The following TP63 variants were observed in gnomAD, a reference collection of about 807,000 sequenced individuals.
The protein encoded by TP63 is tumor protein 63.
A neutral mutation model predicts 82.8 loss-of-function variants in TP63; 17 were observed. That is an observed-to-expected ratio of 0.21 (90% confidence interval 0.14 to 0.31). TP63 has a LOEUF of 0.31. Among genes scored for constraint, TP63 ranks in the 10% least tolerant of loss-of-function variants. The probability of loss-of-function intolerance (pLI) is 1.00; values close to 1 mark genes in which losing one functional copy is unlikely to be tolerated. For synonymous variants in TP63, 330 were observed against 321.7 expected (o/e 1.03, Z -0.28); for missense variants, 648 against 895.3 (o/e 0.72, Z 3.52).
the TP63 span, among the ~76,000 whole-genome samples, chr3:189,597,852 C>CA: frequency 2.0e-5 from 3 of 151,594 alleles, no homozygotes; most frequent in African/African-American, 7.3e-5. Flanking sequence ...CACCTAAACC[C>CA]AGGAGGTCAA....
chr3:189,632,371 A>G (rs1433410124), intron 1 of TP63, among the ~76,000 whole-genome samples: 2 of 152,110 alleles, frequency 1.3e-5, no homozygotes, highest in Admixed American at 6.6e-5. Context: ...ACAAAGGGTT[A>G]ACTTGCCATT....
At chr3:189,713,484 G>C (rs1033725596) in intron 1 of TP63, among the ~76,000 whole-genome samples, 2 of 152,062 alleles carry the variant, frequency 1.3e-5, no homozygotes, top group Admixed American at 6.6e-5. Flanking sequence ...AAACGTTTAG[G>C]GGGTAATCTC....
At position 189,881,504 on chromosome 3, in the gene TP63, G is replaced by GT. The variant is rs918407808; in HGVS notation, c.1350-4883dup. On this transcript the variant is annotated intron_variant, in intron 10 of 13. Transcript: ENST00000264731. ...CTTTTGCATCTTGGTTTATCTTGCAGTTTTTTTGTTTCTGTCTCTCTCACT... is the reference window on the plus strand; with the variant it reads ...CTTTTGCATCTTGGTTTATCTTGCAGTTTTTTTTGTTTCTGTCTCTCTCACT... The GT allele has an allele frequency of 1.0e-5, 10 of 985,084 alleles. No homozygotes were observed. In the African/African-American group the frequency reaches 1.2e-4, roughly 12 times the overall value. The allele number at this position is 985,084 out of a possible 1,614,324, so 61.0% of individuals were successfully genotyped here.
At chr3:189,642,361 A>C (rs1247060173) in intron 1 of TP63, among the ~76,000 whole-genome samples, 2 of 152,120 alleles carry the variant, frequency 1.3e-5, no homozygotes, top group Non-Finnish European at 2.9e-5. Context: ...TGTTCCAGGA[A>C]CTGTTCCAAG....
In TP63 at chr3:189,705,008, G is replaced by T. The variant is rs1248378192; in HGVS notation, c.63-32732G>T. ...CTAGTGTTCCAAATATTTGTAAAAT[G>T]CTATGATTTTTAAATTTACATTCAC... On this transcript the variant is annotated intron_variant, in intron 1 of 13. Coordinates refer to ENST00000264731, the MANE Select transcript of TP63 (RefSeq NM_003722.5). Among the ~76,000 whole-genome samples the T allele has an allele frequency of 5.9e-5, 9 of 152,216 alleles. No individual in the cohort carries two copies. In the East Asian group the frequency reaches 1.7e-3, roughly 29 times the overall value.
chr3:189,657,669 A>G (rs1713503923), intron 1 of TP63, among the ~76,000 whole-genome samples: 1 of 152,156 alleles, frequency 6.6e-6, no homozygotes, highest in Non-Finnish European at 1.5e-5. Context: ...TACAACAGAT[A>G]AGCAATGAAA....
intron 6 of TP63, 79 bp downstream of exon 6, chr3:189,866,876 A>T: frequency 3.4e-6 from 4 of 1,161,308 alleles, no homozygotes; most frequent in Non-Finnish European, 5.2e-6. Flanking sequence ...TTTCAGCAAC[A>T]GGGATGTTTC....
Position 189,651,994 on chromosome 3 carries a change from C to A in TP63, c.62+20417C>A, listed in dbSNP as rs1425500614. On this transcript the variant is annotated intron_variant, in intron 1 of 13. Transcript: ENST00000264731. ...AGATTTAAGAGGACGTGTGGAAACGCCTGGATGTCCGAGCAGAAGTTTGCT... is the reference window on the plus strand; with the variant it reads ...AGATTTAAGAGGACGTGTGGAAACGACTGGATGTCCGAGCAGAAGTTTGCT... Among the ~76,000 whole-genome samples, 8 of 146,922 alleles carry A rather than the reference C, an allele frequency of 5.4e-5. 1 individual carries two copies. The highest frequency in any genetic ancestry group is 4.7e-4 in the Admixed American group (7 of 14,956).
chr3:189,879,178 G>A (rs111716364), intron 10 of TP63, among the ~76,000 whole-genome samples: 123 of 152,150 alleles, frequency 8.1e-4, no homozygotes, highest in African/African-American at 2.7e-3. Flanking sequence ...AATTCTTGCC[G>A]GTGACATGGT....
chr3:189,711,045 G>A (rs1178198024), intron 1 of TP63, among the ~76,000 whole-genome samples: 2 of 152,130 alleles, frequency 1.3e-5, no homozygotes, highest in Non-Finnish European at 2.9e-5. Context: ...TGGAGAGTTG[G>A]GAATAGTATA....
intron 1 of TP63, among the ~76,000 whole-genome samples, chr3:189,640,857 G>C (rs756553833): frequency 2.0e-5 from 3 of 152,072 alleles, no homozygotes; most frequent in Non-Finnish European, 4.4e-5. Flanking sequence ...ACAAGTCCAA[G>C]CTTTGCTTTG....
chr3:189,807,119 A>G (rs1003249541), intron 3 of TP63, among the ~76,000 whole-genome samples: 2 of 152,016 alleles, frequency 1.3e-5, no homozygotes, highest in Non-Finnish European at 2.9e-5. Context: ...CAAGATTTCT[A>G]TGTGTCGGAA....
intron 7 of TP63, among the ~76,000 whole-genome samples, chr3:189,868,216 C>A (rs1241858066): frequency 6.6e-6 from 1 of 152,172 alleles, no homozygotes; most frequent in East Asian, 1.9e-4. Context: ...TCTGATTAGA[C>A]CATGGTCCTC....
chr3:189,831,999 T>C (rs1307696148), intron 4 of TP63, among the ~76,000 whole-genome samples: 1 of 151,796 alleles, frequency 6.6e-6, no homozygotes, highest in Non-Finnish European at 1.5e-5. Context: ...TCCCGCCTAA[T>C]TTTTGTATTT....
intron 4 of TP63, among the ~76,000 whole-genome samples, chr3:189,837,706 A>C (rs1447986443): frequency 6.6e-6 from 1 of 152,154 alleles, no homozygotes; most frequent in East Asian, 1.9e-4. Context: ...GCTGAAGTGC[A>C]GTGGTGCAAT....
At chr3:189,603,416 A>G in the TP63 span, among the ~76,000 whole-genome samples, 4 of 151,774 alleles carry the variant, frequency 2.6e-5, no homozygotes, top group South Asian at 6.3e-4. Context: ...CAGAAGACCT[A>G]TTTCCTTCAT....
intron 3 of TP63, among the ~76,000 whole-genome samples, chr3:189,763,725 G>A (rs1227373748): frequency 6.6e-6 from 1 of 152,204 alleles, no homozygotes; most frequent in East Asian, 1.9e-4. Flanking sequence ...GAAACACTCA[G>A]TCTGACATGA....
At chr3:189,862,321 A>G (rs930069938) in intron 4 of TP63, among the ~76,000 whole-genome samples, 2 of 152,164 alleles carry the variant, frequency 1.3e-5, no homozygotes, top group African/African-American at 4.8e-5. Context: ...ATTATTTATC[A>G]TTAATTAAGC....
chr3:189,866,668 T>C lies in TP63; in HGVS notation c.767-14T>C. 1 of 1,610,774 alleles carries C rather than the reference T, an allele frequency of 6.2e-7. No homozygotes were observed. Among genetic ancestry groups the C allele is most frequent in the Non-Finnish European group, 8.5e-7 (1 of 1,177,066 alleles). ...GGTAAAGAACTAACTCTTTTATTGT[T>C]TTCTGCTCTGCAGGACAGATTGCCC... is the stretch of plus-strand genomic sequence containing the variant. On this transcript the variant is annotated splice_polypyrimidine_tract_variant and intron_variant, in intron 5 of 13. Transcript: ENST00000264731.
Sources: allele counts gnomAD v4.1 joint callset (sites outside exome capture counted in the v4.1 genomes callset), GRCh38; gene constraint gnomAD v4.1.1; transcripts MANE v1.5; gene names NCBI Gene and HGNC (gene_info 2026-07-23, HGNC 2026-07-21).